The following CR1L variants were observed in gnomAD, a reference collection of about 807,000 sequenced individuals.
The protein encoded by CR1L is complement C3b/C4b receptor 1 like, also known as complement component receptor 1-like protein.
CR1L carries 59 observed loss-of-function variants against 62.3 expected under a neutral mutation model. The ratio of observed to expected loss-of-function variants is 0.95; its 90% CI spans 0.77 to 1.18. The LOEUF (loss-of-function observed/expected upper bound fraction) is 1.18. Ranked by LOEUF, CR1L falls within the 50% of genes most tolerant of loss-of-function variation. The probability of loss-of-function intolerance (pLI) is 0.00; values close to 1 mark genes in which losing one functional copy is unlikely to be tolerated. For synonymous variants in CR1L, 279 were observed against 248.7 expected, an observed-to-expected ratio of 1.12 and a Z score of -1.15; for missense variants, 700 against 702.8, an observed-to-expected ratio of 1.00 and a Z score of 0.04.
rs532884762 is a variant in CR1L at position 207,722,769 on chromosome 1, T to C, written c.1643-849T>C. Among the ~76,000 whole-genome samples, 69 of 152,124 alleles carry C rather than the reference T, an allele frequency of 4.5e-4. 1 individual carries two copies. The highest frequency in any genetic ancestry group is 1.3e-3 in the African/African-American group (54 of 41,538). On this transcript the variant is annotated intron_variant, in intron 11 of 11. Transcript: ENST00000508064. ...TATTGTAAATTGGCAAAATCTCTTA[T>C]GAAAAACAATTATGCAATGTGTGTG...
intron 1 of CR1L, among the ~76,000 whole-genome samples, chr1:207,670,601 G>T (rs1447384251): frequency 6.6e-6 from 1 of 150,864 alleles, no homozygotes; most frequent in Non-Finnish European, 1.5e-5. Context: ...CTCAGGGTTC[G>T]TCCTTCTCTG....
At chr1:207,697,939 G>A in intron 7 of CR1L, 66 bp downstream of exon 7, 1 of 1,607,070 alleles carries the variant, frequency 6.2e-7, no homozygotes, top group Non-Finnish European at 8.5e-7. Flanking sequence ...CCAAAAAGGG[G>A]AGATTTGATG....
At chr1:207,694,837 G>A (rs1447269479) in intron 5 of CR1L, 86 bp downstream of exon 5, 1 of 1,600,726 alleles carries the variant, frequency 6.2e-7, no homozygotes, top group African/African-American at 1.3e-5. Context: ...CAGGGGGAGG[G>A]ATTTGTGCTG....
intron 1 of CR1L, among the ~76,000 whole-genome samples, chr1:207,677,139 C>A (rs1289453421): frequency 3.3e-5 from 5 of 151,778 alleles, no homozygotes; most frequent in East Asian, 2.0e-4. Context: ...CTGGCCAACA[C>A]GGTGAAACCT....
chr1:207,681,010 G>T (rs12025522), intron 3 of CR1L, among the ~76,000 whole-genome samples: 55,390 of 152,056 alleles, frequency 0.36, 10,249 homozygotes, highest in Non-Finnish European at 0.4. Flanking sequence ...CCCTTAAGCT[G>T]TGTGCTCAAA....
intron 4 of CR1L, among the ~76,000 whole-genome samples, chr1:207,693,938 T>C (rs766316696): frequency 6.6e-6 from 1 of 152,178 alleles, no homozygotes; most frequent in African/African-American, 2.4e-5. Flanking sequence ...TTTCCTACTG[T>C]GTATATTTGT....
chr1:207,683,129 T>C (rs1203004590), intron 3 of CR1L, among the ~76,000 whole-genome samples: 1 of 150,648 alleles, frequency 6.6e-6, no homozygotes. Context: ...TCTCTCTCTC[T>C]CTCTACCCCG....
At chr1:207,685,371 A>G (rs539735164) in intron 4 of CR1L, among the ~76,000 whole-genome samples, 99 of 152,336 alleles carry the variant, frequency 6.5e-4, no homozygotes, top group Admixed American at 2.2e-3. Flanking sequence ...GTTGATGAAC[A>G]ATGAACTTCT....
intron 1 of CR1L, among the ~76,000 whole-genome samples, chr1:207,651,785 G>A (rs1450034263): frequency 1.3e-5 from 2 of 152,202 alleles, no homozygotes; most frequent in Admixed American, 1.3e-4. Context: ...GAGAATGCAT[G>A]ATGCAATGAT....
chr1:207,711,357 C>T (rs913725426), intron 10 of CR1L: 27 of 161,784 alleles, frequency 1.7e-4, no homozygotes, highest in Admixed American at 8.5e-4. Flanking sequence ...ACGGATGTAC[C>T]GAGGCAGGAG....
intron 10 of CR1L, chr1:207,710,249 G>C (rs1373429492): frequency 1.1e-5 from 7 of 610,792 alleles, no homozygotes; most frequent in Non-Finnish European, 1.8e-5. Context: ...GAGGTTGAGG[G>C]GGGAGGATTG....
At chr1:207,676,190 G>A (rs1296297387) in intron 1 of CR1L, among the ~76,000 whole-genome samples, 1 of 152,108 alleles carries the variant, frequency 6.6e-6, no homozygotes, top group Admixed American at 6.5e-5. Flanking sequence ...AGTGAAAGAT[G>A]ATATAAATAG....
intron 10 of CR1L, 110 bp from the exon 11 acceptor site, chr1:207,717,354 C>G (rs1290900148): frequency 1.5e-5 from 19 of 1,266,644 alleles, no homozygotes; most frequent in Non-Finnish European, 1.9e-5. Context: ...TAGTTATAGT[C>G]TTTCTAAAAG....
intron 4 of CR1L, among the ~76,000 whole-genome samples, chr1:207,690,718 T>A (rs140280994): frequency 0.024 from 3,710 of 152,282 alleles, 156 homozygotes; most frequent in African/African-American, 0.084. Flanking sequence ...AAGATGTCAA[T>A]AGGATTGGTT....
At chr1:207,705,409 T>C (rs1167725249) in intron 9 of CR1L, among the ~76,000 whole-genome samples, 1 of 152,204 alleles carries the variant, frequency 6.6e-6, no homozygotes, top group Non-Finnish European at 1.5e-5. Flanking sequence ...TCACAGCGCA[T>C]GGTCCAGCTG....
chr1:207,698,284 ATCATT>A (rs1664137189), intron 7 of CR1L, among the ~76,000 whole-genome samples: 1 of 152,236 alleles, frequency 6.6e-6, no homozygotes, highest in African/African-American at 2.4e-5. Context: ...TCATTTAAGA[ATCATT>A]TCAGTAAATT....
At chr1:207,720,686 T>C (rs1255409239) in intron 11 of CR1L, among the ~76,000 whole-genome samples, 1 of 152,196 alleles carries the variant, frequency 6.6e-6, no homozygotes, top group African/African-American at 2.4e-5. Flanking sequence ...AACCCATATT[T>C]ACGCTGTCTC....
chr1:207,660,800 T>A (rs1350920663), intron 1 of CR1L, among the ~76,000 whole-genome samples: 1 of 152,196 alleles, frequency 6.6e-6, no homozygotes. Context: ...AAATTTCCCT[T>A]TACACACTGC....
intron 1 of CR1L, among the ~76,000 whole-genome samples, chr1:207,668,389 ATAT>A (rs1663555777): frequency 6.6e-6 from 1 of 151,106 alleles, no homozygotes; most frequent in South Asian, 2.1e-4. Flanking sequence ...AATCTAGGGG[ATAT>A]TATATTAAAT....
Sources: gnomAD v4.1 joint callset for allele counts (sites outside exome capture counted in the v4.1 genomes callset) on GRCh38, gnomAD v4.1.1 for gene constraint, MANE v1.5 for transcripts, NCBI Gene and HGNC (gene_info 2026-07-23, HGNC 2026-07-21) for gene names.